The following TCF20 variants were observed in gnomAD, a reference collection of about 807,000 sequenced individuals.
TCF20 encodes the protein SPRE-binding protein.
TCF20 carries 3 observed loss-of-function variants against 148.6 expected under a neutral mutation model. The observed-to-expected ratio is 0.02, with a 90% CI of 0.01 to 0.05. The LOEUF (loss-of-function observed/expected upper bound fraction) is 0.05. TCF20 is among the 10% of genes least tolerant of loss of function. TCF20 has a pLI of 1.00. For synonymous variants in TCF20, 1,049 were observed against 909.5 expected (o/e 1.15, Z -2.76); for missense variants, 2,350 against 2,429.3 (o/e 0.97, Z 0.69).
At chr22:42,226,424 C>T (rs147606744) in intron 1 of TCF20, among the ~76,000 whole-genome samples, 6 of 152,198 alleles carry the variant, frequency 3.9e-5, no homozygotes, top group East Asian at 3.9e-4. Flanking sequence ...ATTTTGAGGC[C>T]GGGCCTGGTG....
In TCF20 at chr22:42,317,971, C is replaced by T. The variant is rs903584189; in HGVS notation, c.-37+25508G>A. On this transcript the variant is annotated intron_variant, in intron 1 of 1. Coordinates refer to the TCF20 transcript ENST00000515426. This position sits in a 1 kb window ranked among gnomAD's most constrained non-coding sequence, Gnocchi z 4.2. ...GCCACACTCCCAGAGCCCTATGGGGCAGGCAGGCCCAGGCCCAGACAAGCC... is the reference window on the plus strand; with the variant it reads ...GCCACACTCCCAGAGCCCTATGGGGTAGGCAGGCCCAGGCCCAGACAAGCC... Among the ~76,000 whole-genome samples the T allele has an allele frequency of 1.8e-4, 28 of 152,320 alleles. No homozygotes were observed. Among genetic ancestry groups the T allele is most frequent in the Admixed American group, 9.8e-4 (15 of 15,304 alleles).
In TCF20 at chr22:42,214,605, T is replaced by C. The variant is rs576181936; in HGVS notation, c.701A>G (p.His234Arg). ...YQLRVGQFGQ[H>R]YQSSASSSSS... ...GGAGGAGGAAGCAGAAGACTGATAGTGTTGGCCAAACTGACCCACTCTTAA... is the reference window on the plus strand; with the variant it reads ...GGAGGAGGAAGCAGAAGACTGATAGCGTTGGCCAAACTGACCCACTCTTAA... The change falls in exon 2 of 6, where the codon CAC becomes CGC. Residue 234 changes from histidine (H) to arginine (R), a missense_variant. By Grantham distance (29) the His-to-Arg change is conservative. Around this residue, in one of 7 missense-constraint regions of TCF20, gnomAD observed 1,641 missense variants for 1,662.6 expected, o/e 0.99. Coordinates refer to ENST00000677622, the MANE Select transcript of TCF20 (RefSeq NM_001378418.1). 8 of 1,614,088 alleles carry C rather than the reference T, an allele frequency of 5.0e-6. No individual in the cohort carries two copies. The South Asian group carries it at 8.8e-5, about 18-fold the overall frequency.
At position 42,212,131 on chromosome 22, in the gene TCF20, G is replaced by A; in HGVS notation, c.3175C>T (p.Leu1059=). The change falls in exon 2 of 6, where the codon CTG becomes TTG. Residue 1059 remains leucine, a synonymous_variant. Coordinates refer to ENST00000677622, the MANE Select transcript of TCF20 (RefSeq NM_001378418.1). ...HTPFSPNSET[L]ASAYHANTRA... ...GTATTTGCATGATAAGCAGAGGCCAGGGTTTCTGAGTTGGGAGAAAAGGGA... is the reference window on the plus strand; with the variant it reads ...GTATTTGCATGATAAGCAGAGGCCAAGGTTTCTGAGTTGGGAGAAAAGGGA... 2 of 1,614,222 alleles carry A rather than the reference G, an allele frequency of 1.2e-6. No homozygotes were observed. The highest frequency in any genetic ancestry group is 2.2e-5 in the East Asian group (1 of 44,884).
chr22:42,260,809 G>C (rs771455803), intron 1 of TCF20, among the ~76,000 whole-genome samples: 4 of 152,102 alleles, frequency 2.6e-5, no homozygotes, highest in Non-Finnish European at 4.4e-5. Flanking sequence ...AATATAACGC[G>C]AACAGAACCT....
At chr22:42,176,605 A>G (rs1936468877) in intron 3 of TCF20, among the ~76,000 whole-genome samples, 1 of 152,214 alleles carries the variant, frequency 6.6e-6, no homozygotes, top group Non-Finnish European at 1.5e-5. Context: ...GACAAGCACC[A>G]TGCTACTTGC....
intron 1 of TCF20, among the ~76,000 whole-genome samples, chr22:42,335,716 A>C (rs1207569510): frequency 6.6e-6 from 1 of 152,116 alleles, no homozygotes; most frequent in South Asian, 2.1e-4. Flanking sequence ...GGGACCTCTA[A>C]GTGCAGCTTC....
At chr22:42,296,235 G>A (rs1053742755) in intron 1 of TCF20, among the ~76,000 whole-genome samples, 6 of 152,206 alleles carry the variant, frequency 3.9e-5, no homozygotes, top group South Asian at 2.1e-4. Context: ...AGGCCTCAGC[G>A]AACGGGATGC....
chr22:42,257,748 G>GAT (rs1454985060), intron 1 of TCF20, among the ~76,000 whole-genome samples: 1 of 152,212 alleles, frequency 6.6e-6, no homozygotes, highest in East Asian at 1.9e-4. Flanking sequence ...TGCTCTGGCT[G>GAT]GAGTTGAGAA....
intron 1 of TCF20, among the ~76,000 whole-genome samples, chr22:42,314,607 G>A (rs923348103): frequency 1.3e-5 from 2 of 152,128 alleles, no homozygotes; most frequent in African/African-American, 2.4e-5. Context: ...CCCAAGCCAA[G>A]GGCTGAGGGC....
chr22:42,162,506 G>C (rs1449010294), intron 5 of TCF20, among the ~76,000 whole-genome samples: 3 of 152,174 alleles, frequency 2.0e-5, no homozygotes, highest in Non-Finnish European at 4.4e-5. Flanking sequence ...TTGTACCAAA[G>C]GTCCCTGTGG....
At chr22:42,300,146 T>A (rs1927310606) in intron 1 of TCF20, among the ~76,000 whole-genome samples, 1 of 151,308 alleles carries the variant, frequency 6.6e-6, no homozygotes, top group South Asian at 2.1e-4. Context: ...TATCAGGGGG[T>A]TAGGGGAATG....
At position 42,338,510 on chromosome 22, in the gene TCF20, C is replaced by T. The variant is rs1013835808; in HGVS notation, c.-37+4969G>A. Among the ~76,000 whole-genome samples, 5 of 152,334 alleles carry T rather than the reference C, an allele frequency of 3.3e-5. No homozygotes were observed. The East Asian group carries it at 9.7e-4, about 29-fold the overall frequency. ...CTCGGCCAATCCCGAAGAGCTCGCTCAGGGGCTGCGAGTGGAAGGGCTGGG... is the reference window on the plus strand; with the variant it reads ...CTCGGCCAATCCCGAAGAGCTCGCTTAGGGGCTGCGAGTGGAAGGGCTGGG... On this transcript the variant is annotated intron_variant, in intron 1 of 1. Transcript: ENST00000515426. The surrounding 1 kb of genome is among the most constrained non-coding windows in gnomAD (Gnocchi z 4.0).
Position 42,317,411 on chromosome 22 carries a change from G to C in TCF20, c.-37+26068C>G, listed in dbSNP as rs1927651438. The stretch of plus-strand genomic sequence containing the variant: ...AGGAGGGGCGGCGCTGGGTGACGGA[G>C]CTTCGATTTAAACACAGATGACGGA... On this transcript the variant is annotated intron_variant, in intron 1 of 1. Transcript: ENST00000515426. This position sits in a 1 kb window ranked among gnomAD's most constrained non-coding sequence, Gnocchi z 4.2. Among the ~76,000 whole-genome samples the C allele has an allele frequency of 6.6e-6, 1 of 152,128 alleles. No individual in the cohort carries two copies. The highest frequency in any genetic ancestry group is 2.1e-4 in the South Asian group (1 of 4,820).
intron 1 of TCF20, among the ~76,000 whole-genome samples, chr22:42,246,701 C>T (rs1202583063): frequency 6.6e-6 from 1 of 152,190 alleles, no homozygotes; most frequent in Non-Finnish European, 1.5e-5. Flanking sequence ...GGCACGGTGG[C>T]TCACGCCTGT....
chr22:42,266,990 C>G (rs899367342), intron 1 of TCF20, among the ~76,000 whole-genome samples: 9 of 152,160 alleles, frequency 5.9e-5, no homozygotes. Context: ...ATTTAATAGG[C>G]CGGGCACGGT....
At chr22:42,246,424 C>G (rs955263426) in intron 1 of TCF20, among the ~76,000 whole-genome samples, 1 of 152,176 alleles carries the variant, frequency 6.6e-6, no homozygotes, top group Non-Finnish European at 1.5e-5. Flanking sequence ...ATACTTAATT[C>G]TTTACCTACA....
chr22:42,231,722 G>C (rs917585098), intron 1 of TCF20, among the ~76,000 whole-genome samples: 1 of 152,080 alleles, frequency 6.6e-6, no homozygotes, highest in East Asian at 1.9e-4. Flanking sequence ...AAGGTCAGCA[G>C]ATCAAGACCA....
intron 1 of TCF20, among the ~76,000 whole-genome samples, chr22:42,233,584 C>T (rs1923621750): frequency 6.6e-6 from 1 of 152,220 alleles, no homozygotes. Flanking sequence ...ATAAGCATTA[C>T]CAGAGTTATC....
chr22:42,166,531 C>T (rs1935797517), intron 5 of TCF20, among the ~76,000 whole-genome samples: 1 of 151,806 alleles, frequency 6.6e-6, no homozygotes, highest in Non-Finnish European at 1.5e-5. Flanking sequence ...ATCGCCTGAA[C>T]CCCAGAGATG....
Sources: gnomAD v4.1 joint callset for allele counts (sites outside exome capture counted in the v4.1 genomes callset) on GRCh38, gnomAD v4.1.1 for gene constraint, gnomAD v4.1.1 regional missense constraint, Gnocchi (gnomAD v3.1) non-coding constraint, MANE v1.5 for transcripts, NCBI Gene and HGNC (gene_info 2026-07-23, HGNC 2026-07-21) for gene names.